The following ANXA10 variants were observed in gnomAD, a reference collection of about 807,000 sequenced individuals.
ANXA10 encodes annexin 14.
Under a neutral mutation model 53.5 loss-of-function variants are expected in ANXA10, and 49 were observed. That is an observed-to-expected ratio of 0.92 (90% CI 0.73 to 1.16). ANXA10 has a LOEUF of 1.16. Among genes scored for constraint, ANXA10 ranks in the 50% most tolerant of loss-of-function variants. The pLI is 0.00. For synonymous variants in ANXA10, 131 were observed against 128.9 expected (o/e 1.02, Z -0.11); for missense variants, 393 against 394.4 (o/e 1.00, Z 0.03).
chr4:168,149,487 AT>A (rs1279706725), intron 3 of ANXA10, among the ~76,000 whole-genome samples: 1 of 151,958 alleles, frequency 6.6e-6, no homozygotes, highest in Non-Finnish European at 1.5e-5. Flanking sequence ...ATTCCCTCAG[AT>A]TGTTATTAAT....
chr4:168,134,819 C>T (rs1210051038), intron 2 of ANXA10, among the ~76,000 whole-genome samples: 3 of 152,130 alleles, frequency 2.0e-5, no homozygotes, highest in African/African-American at 7.2e-5. Context: ...GCATAAAATA[C>T]CCTGATGCTC....
intron 1 of ANXA10, among the ~76,000 whole-genome samples, chr4:168,110,021 G>A (rs745531512): frequency 2.0e-5 from 3 of 152,088 alleles, no homozygotes; most frequent in East Asian, 3.9e-4. Flanking sequence ...CCATCCTGGC[G>A]AAGACGGTGA....
At chr4:168,147,194 G>A (rs576488132) in intron 3 of ANXA10, among the ~76,000 whole-genome samples, 1 of 152,262 alleles carries the variant, frequency 6.6e-6, no homozygotes, top group South Asian at 2.1e-4. Context: ...GGTGAGACTG[G>A]CTGGTTTCTT....
At chr4:168,137,080 G>A (rs998905150) in intron 2 of ANXA10, among the ~76,000 whole-genome samples, 2 of 152,184 alleles carry the variant, frequency 1.3e-5, no homozygotes, top group African/African-American at 4.8e-5. Flanking sequence ...TGGAGCAGCT[G>A]GGATGCAGAG....
intron 6 of ANXA10, among the ~76,000 whole-genome samples, chr4:168,173,674 T>C (rs2149479680): frequency 6.6e-6 from 1 of 152,220 alleles, no homozygotes; most frequent in African/African-American, 2.4e-5. Flanking sequence ...ACAGGGATGG[T>C]AAAACCCAAC....
intron 3 of ANXA10, among the ~76,000 whole-genome samples, chr4:168,156,261 T>TGTATATATATATAATA (rs1731672102): frequency 2.7e-5 from 1 of 36,694 alleles, no homozygotes; most frequent in African/African-American, 1.0e-4. Context: ...TTATATATAA[T>TGTATATATATATAATA]GTATATATTA....
chr4:168,173,714 A>T (rs186078050), intron 6 of ANXA10, among the ~76,000 whole-genome samples: 177 of 152,256 alleles, frequency 1.2e-3, no homozygotes, highest in African/African-American at 4.0e-3. Context: ...TAAAGCTGAA[A>T]ACCCATCTAC....
chr4:168,169,866 A>G (rs541931422), intron 6 of ANXA10, among the ~76,000 whole-genome samples: 3 of 152,212 alleles, frequency 2.0e-5, no homozygotes, highest in Admixed American at 1.3e-4. Flanking sequence ...TAAACCACCT[A>G]AAATAACTGA....
At chr4:168,134,015 A>C (rs2319709) in intron 2 of ANXA10, among the ~76,000 whole-genome samples, 28,675 of 151,990 alleles carry the variant, frequency 0.19, 2,909 homozygotes, top group Non-Finnish European at 0.23. Flanking sequence ...CTAGAAATTC[A>C]AGTTTAATAA....
At chr4:168,098,409 G>A (rs899034541) in intron 1 of ANXA10, among the ~76,000 whole-genome samples, 3 of 152,050 alleles carry the variant, frequency 2.0e-5, no homozygotes, top group Non-Finnish European at 2.9e-5. Flanking sequence ...TCATTTTTCA[G>A]TATAGCCTCA....
At chr4:168,171,952 A>C in intron 6 of ANXA10, among the ~76,000 whole-genome samples, 1 of 152,100 alleles carries the variant, frequency 6.6e-6, no homozygotes, top group East Asian at 1.9e-4. Context: ...AGTTTCTTGA[A>C]CCCGTACAAT....
At chr4:168,156,171 T>TTATATTATATATTA (rs1352004568) in intron 3 of ANXA10, among the ~76,000 whole-genome samples, 13,485 of 31,044 alleles carry the variant, frequency 0.43, 2,370 homozygotes, top group East Asian at 0.7. Context: ...ATTATATATA[T>TTATATTATATATTA]TATATTATAT....
At chr4:168,175,170 G>T (rs1732102628) in intron 6 of ANXA10, among the ~76,000 whole-genome samples, 3 of 152,242 alleles carry the variant, frequency 2.0e-5, no homozygotes, top group South Asian at 4.1e-4. Context: ...GAAATAGATT[G>T]CAGGATCCTG....
At chr4:168,170,621 G>T (rs1372211567) in intron 6 of ANXA10, among the ~76,000 whole-genome samples, 1 of 152,074 alleles carries the variant, frequency 6.6e-6, no homozygotes, top group South Asian at 2.1e-4. Flanking sequence ...ATATGTATGA[G>T]TATTTAACCT....
At chr4:168,158,924 G>T (rs1422458830) in intron 3 of ANXA10, among the ~76,000 whole-genome samples, 1 of 152,112 alleles carries the variant, frequency 6.6e-6, no homozygotes, top group Non-Finnish European at 1.5e-5. Context: ...TGAGTAATAT[G>T]TTCCCCTTAA....
intron 3 of ANXA10, among the ~76,000 whole-genome samples, chr4:168,153,040 C>T (rs1731524612): frequency 6.6e-6 from 1 of 151,908 alleles, no homozygotes; most frequent in East Asian, 1.9e-4. Flanking sequence ...GACGGGGCTT[C>T]GCCATCCTGC....
intron 2 of ANXA10, among the ~76,000 whole-genome samples, chr4:168,134,727 T>C (rs1171463713): frequency 6.6e-6 from 1 of 152,180 alleles, no homozygotes; most frequent in Non-Finnish European, 1.5e-5. Flanking sequence ...GTCTGCCTTT[T>C]CTCTCAGTAG....
intron 1 of ANXA10, among the ~76,000 whole-genome samples, chr4:168,094,748 T>C (rs534438381): frequency 2.6e-5 from 4 of 152,220 alleles, no homozygotes; most frequent in Admixed American, 6.5e-5. Flanking sequence ...TTAAATATAC[T>C]TCAAGCAAGA....
intron 6 of ANXA10, among the ~76,000 whole-genome samples, chr4:168,174,072 C>G (rs7661516): frequency 0.15 from 22,435 of 151,968 alleles, 2,750 homozygotes; most frequent in African/African-American, 0.33. Context: ...TCTTCACTCA[C>G]TAAAACCCTT....
Sources: allele counts gnomAD v4.1 joint callset (sites outside exome capture counted in the v4.1 genomes callset), GRCh38; gene constraint gnomAD v4.1.1; transcripts MANE v1.5; gene names NCBI Gene and HGNC (gene_info 2026-07-23, HGNC 2026-07-21).